The following SORCS2 variants were observed in gnomAD, a reference collection of about 807,000 sequenced individuals.
The protein encoded by SORCS2 is VPS10 domain-containing receptor SorCS2.
SORCS2 carries 100 observed loss-of-function variants against 141.6 expected under a neutral mutation model. The ratio of observed to expected loss-of-function variants is 0.71; its 90% CI spans 0.60 to 0.83. The LOEUF is 0.83. Ranked by LOEUF, SORCS2 falls within the 40% of genes least tolerant of loss-of-function variation. SORCS2 has a pLI of 0.00. For synonymous variants in SORCS2, 789 were observed against 676.9 expected (o/e 1.17, Z -2.57); for missense variants, 1,646 against 1,560.2 (o/e 1.05, Z -0.93).
chr4:7,517,463 C>T (rs1733061299), intron 2 of SORCS2, among the ~76,000 whole-genome samples: 1 of 152,090 alleles, frequency 6.6e-6, no homozygotes, highest in Non-Finnish European at 1.5e-5. Flanking sequence ...GCATTTTTTC[C>T]TTCTCTTTGA....
intron 1 of SORCS2, among the ~76,000 whole-genome samples, chr4:7,348,487 T>C (rs1294178273): frequency 2.0e-5 from 3 of 152,156 alleles, no homozygotes; most frequent in Non-Finnish European, 4.4e-5. Context: ...AACTGAGGTT[T>C]GAGGATGCTA....
At chr4:7,619,964 G>T (rs1719045503) in intron 3 of SORCS2, among the ~76,000 whole-genome samples, 1 of 152,008 alleles carries the variant, frequency 6.6e-6, no homozygotes, top group Non-Finnish European at 1.5e-5. Context: ...ACCTGGTCTC[G>T]CTCACTCTAG....
chr4:7,682,941 T>C (rs372306879), intron 10 of SORCS2, 52 bp downstream of exon 10: 50 of 1,577,078 alleles, frequency 3.2e-5, no homozygotes, highest in Non-Finnish European at 4.2e-5. Context: ...ATGCTAGATA[T>C]AACTTCAGTA....
At chr4:7,589,278 G>A (rs1260432134) in intron 3 of SORCS2, among the ~76,000 whole-genome samples, 1 of 152,196 alleles carries the variant, frequency 6.6e-6, no homozygotes, top group Non-Finnish European at 1.5e-5. Flanking sequence ...GTTTGGGAGG[G>A]ACTTCGGGCA....
intron 2 of SORCS2, among the ~76,000 whole-genome samples, chr4:7,480,735 C>A (rs956846809): frequency 6.6e-6 from 1 of 152,198 alleles, no homozygotes; most frequent in Non-Finnish European, 1.5e-5. Flanking sequence ...GGGCGCTGAC[C>A]GTGCAGACGC....
chr4:7,722,936 C>T (rs572506888), intron 18 of SORCS2, among the ~76,000 whole-genome samples: 6 of 151,532 alleles, frequency 4.0e-5, no homozygotes, highest in Non-Finnish European at 5.9e-5. Context: ...CTGGTGCCGG[C>T]GAGGGAGGAA....
At chr4:7,301,093 G>A (rs1040680486) in intron 1 of SORCS2, among the ~76,000 whole-genome samples, 9 of 152,020 alleles carry the variant, frequency 5.9e-5, no homozygotes, top group South Asian at 2.1e-4. Flanking sequence ...TGTTTCCTCG[G>A]CCCAGCCCTG....
At chr4:7,693,054 C>T (rs940720350) in intron 11 of SORCS2, among the ~76,000 whole-genome samples, 4 of 152,210 alleles carry the variant, frequency 2.6e-5, no homozygotes, top group Non-Finnish European at 5.9e-5. Context: ...ATCAACCCAG[C>T]CCTGGCCGAG....
chr4:7,453,512 C>T (rs558023197), intron 2 of SORCS2, among the ~76,000 whole-genome samples: 21 of 139,632 alleles, frequency 1.5e-4, no homozygotes, highest in African/African-American at 2.8e-4. Context: ...TAGTGTCATG[C>T]GCCACGTTAG....
At chr4:7,400,787 A>G (rs961667894) in intron 2 of SORCS2, among the ~76,000 whole-genome samples, 4 of 147,922 alleles carry the variant, frequency 2.7e-5, no homozygotes, top group Non-Finnish European at 1.5e-5. Context: ...GGATGGACAG[A>G]TAGATGAATG....
At chr4:7,433,882 G>A (rs746234874) in intron 2 of SORCS2, 49 of 1,613,776 alleles carry the variant, frequency 3.0e-5, no homozygotes, top group African/African-American at 6.7e-5. Flanking sequence ...GCACTCCTTC[G>A]TGATAGAGGC....
intron 1 of SORCS2, among the ~76,000 whole-genome samples, chr4:7,390,241 G>A (rs529644202): frequency 6.6e-6 from 1 of 152,274 alleles, no homozygotes; most frequent in Non-Finnish European, 1.5e-5. Flanking sequence ...GGTGCTTTAT[G>A]TGTATTGATT....
intron 1 of SORCS2, among the ~76,000 whole-genome samples, chr4:7,219,296 C>T (rs1224420152): frequency 2.0e-5 from 3 of 152,048 alleles, no homozygotes; most frequent in African/African-American, 7.2e-5. Flanking sequence ...GTCAATATCC[C>T]CCAAACCCAG....
Position 7,676,140 on chromosome 4 carries a change from G to T in SORCS2, c.1252G>T (p.Asp418Tyr). The T allele has an allele frequency of 6.4e-7, 1 of 1,573,982 alleles. No homozygotes were observed. Among genetic ancestry groups the T allele is most frequent in the South Asian group, 1.2e-5 (1 of 85,838 alleles). ...GGACACCTACAACCTGTACCAGTCG[G>T]ACCCACGGGGCGTGCGCTACGCGCT... ...QMDTYNLYQS[D>Y]PRGVRYALVL... The change falls in exon 9 of 27, where the codon GAC becomes TAC. Residue 418 changes from aspartate (D) to tyrosine (Y), a missense_variant. By Grantham distance (160) the Asp-to-Tyr change is radical. Coordinates refer to ENST00000507866, the MANE Select transcript of SORCS2 (RefSeq NM_020777.3).
At chr4:7,281,173 T>A (rs1250177445) in intron 1 of SORCS2, among the ~76,000 whole-genome samples, 1 of 151,856 alleles carries the variant, frequency 6.6e-6, no homozygotes, top group Non-Finnish European at 1.5e-5. Flanking sequence ...TGCACAAAAG[T>A]TTTTTCTTGT....
In SORCS2 at chr4:7,434,096, G is replaced by A. The variant is rs201135914; in HGVS notation, c.548+37741G>A. On this transcript the variant is annotated intron_variant, in intron 2 of 26. Transcript: ENST00000507866. The stretch of plus-strand genomic sequence containing the variant: ...TCCATGGCCACTACTTGAGTCAAAC[G>A]GGCAGGTGCCCCTAGCTCCTCACAG... 4.3e-5 allele frequency: 70 copies of A among 1,611,510 alleles called. No homozygotes were observed. Among genetic ancestry groups the A allele is most frequent in the Non-Finnish European group, 5.1e-5 (60 of 1,178,240 alleles).
At chr4:7,434,799 T>C in intron 2 of SORCS2, 1 of 1,609,666 alleles carries the variant, frequency 6.2e-7, no homozygotes, top group Non-Finnish European at 8.5e-7. Flanking sequence ...TGGAGCCCTT[T>C]GCACACTCCT....
chr4:7,239,561 T>C (rs1712541497), intron 1 of SORCS2, among the ~76,000 whole-genome samples: 2 of 152,218 alleles, frequency 1.3e-5, no homozygotes, highest in South Asian at 4.1e-4. Context: ...ACTGTGAGCC[T>C]GGGATCTGGA....
intron 1 of SORCS2, among the ~76,000 whole-genome samples, chr4:7,226,375 C>T (rs184790412): frequency 1.0e-3 from 154 of 152,320 alleles, no homozygotes; most frequent in African/African-American, 3.2e-3. Context: ...CTCTGCGTGT[C>T]CTTCCAGGGC....
Sources: allele counts gnomAD v4.1 joint callset (sites outside exome capture counted in the v4.1 genomes callset), GRCh38; gene constraint gnomAD v4.1.1; transcripts MANE v1.5; gene names NCBI Gene and HGNC (gene_info 2026-07-23, HGNC 2026-07-21).